LRP1B: variants seen among roughly 807,000 people sequenced by gnomAD.
LRP1B encodes low-density lipoprotein receptor-related protein 1B.
Under a neutral mutation model 556.6 loss-of-function variants are expected in LRP1B, and 217 were observed. That is an observed-to-expected ratio of 0.39 (90% CI 0.35 to 0.44). LRP1B has a LOEUF of 0.44. Ranked by LOEUF, LRP1B falls within the 20% of genes least tolerant of loss-of-function variation. The pLI, the probability that LRP1B is intolerant of heterozygous loss-of-function variation, is 1.00. For synonymous variants in LRP1B, 2,047 were observed against 1,865.8 expected (o/e 1.10, Z -2.50); for missense variants, 5,053 against 5,620.8 (o/e 0.90, Z 3.23).
chr2:141,426,599 T>G (rs1680373045), intron 3 of LRP1B, among the ~76,000 whole-genome samples: 1 of 152,108 alleles, frequency 6.6e-6, no homozygotes, highest in African/African-American at 2.4e-5. Context: ...TTAGAAATAA[T>G]AAACTGAGGC....
Position 141,834,191 on chromosome 2 carries a change from G to T in LRP1B, c.83-23790C>A, listed in dbSNP as rs538531037. On this transcript the variant is annotated intron_variant, in intron 1 of 90. Coordinates refer to ENST00000389484, the MANE Select transcript of LRP1B (RefSeq NM_018557.3). Reference sequence around the variant, plus strand: ...GACTTTATTTCACCAGTTGAAGGAAGACACTGAATATTTTAAAATGGGTTT... The same window carrying T: ...GACTTTATTTCACCAGTTGAAGGAATACACTGAATATTTTAAAATGGGTTT... Among the ~76,000 whole-genome samples, 9 of 151,970 alleles carry T rather than the reference G, an allele frequency of 5.9e-5. 1 individual carries two copies. The South Asian group carries it at 1.9e-3, about 31-fold the overall frequency.
At chr2:141,294,972 C>A (rs894058551) in intron 3 of LRP1B, among the ~76,000 whole-genome samples, 7 of 151,856 alleles carry the variant, frequency 4.6e-5, no homozygotes, top group Non-Finnish European at 2.9e-5. Context: ...TAAGTGATTT[C>A]CACACTTTTC....
Position 141,049,312 on chromosome 2 carries a change from C to T in LRP1B, c.1553-90G>A, listed in dbSNP as rs1457410028. ...GCCACCGTTTAACTGGCACAATTAG[C>T]GTTTTTTAAATTCAATGCTAAAAAT... is the stretch of plus-strand genomic sequence containing the variant. On this transcript the variant is annotated intron_variant, in intron 10 of 90. Transcript: ENST00000389484. 29 of 830,692 alleles carry T rather than the reference C, an allele frequency of 3.5e-5. No individual in the cohort carries two copies. The South Asian group carries it at 4.0e-4, about 12-fold the overall frequency. The allele number at this position is 830,692 out of a possible 1,614,324, so 51.5% of individuals were successfully genotyped here. A position where few individuals can be genotyped will look rare whatever the true frequency, so the allele number is the denominator to read the frequency against.
chr2:141,475,796 C>T (rs1682682288), intron 3 of LRP1B, among the ~76,000 whole-genome samples: 1 of 152,062 alleles, frequency 6.6e-6, no homozygotes, highest in Non-Finnish European at 1.5e-5. Context: ...GCAGGACAGC[C>T]GAACTCCAAG....
At chr2:140,873,319 A>G (rs1015092707) in intron 25 of LRP1B, among the ~76,000 whole-genome samples, 2 of 152,116 alleles carry the variant, frequency 1.3e-5, no homozygotes, top group Non-Finnish European at 2.9e-5. Flanking sequence ...TTTAATAAAA[A>G]CAGCTGCATC....
intron 66 of LRP1B, among the ~76,000 whole-genome samples, chr2:140,432,038 T>A (rs1685968112): frequency 6.6e-6 from 1 of 152,208 alleles, no homozygotes; most frequent in East Asian, 1.9e-4. Flanking sequence ...CCCTGTGACC[T>A]GCACTTACAC....
In LRP1B at chr2:140,356,342, C is replaced by T. The variant is rs2105129740; in HGVS notation, c.11530G>A (p.Asp3844Asn). 1 of 1,610,364 alleles carries T rather than the reference C, an allele frequency of 6.2e-7. No individual in the cohort carries two copies. Among genetic ancestry groups the T allele is most frequent in the Non-Finnish European group, 8.5e-7 (1 of 1,177,562 alleles). Residue 3844 changes from aspartate (D) to asparagine (N), a missense_variant and splice_region_variant, in exon 75 of 91, where the codon GAC (aspartate) becomes AAC (asparagine). Coordinates refer to ENST00000389484, the MANE Select transcript of LRP1B (RefSeq NM_018557.3). ...AAACTGTTGAAGAAAAGTACTCTACCTTCACATTGTCTGTTTTTCATGTTT... is the reference window on the plus strand; with the variant it reads ...AAACTGTTGAAGAAAAGTACTCTACTTTCACATTGTCTGTTTTTCATGTTT... ...QRNMKNRQCE[D>N]LNECLVFGTC...
At position 140,457,619 on chromosome 2, in the gene LRP1B, G is replaced by T. The variant is rs1475959085; in HGVS notation, c.9658C>A (p.Leu3220Ile). The change falls in exon 61 of 91, where the codon CTA becomes ATA. Residue 3220 changes from leucine (L) to isoleucine (I), a missense_variant. Physicochemically the swap from Leu to Ile is conservative, Grantham distance 5. This residue lies in a region of LRP1B where 262 missense variants were observed against 395.1 expected (regional missense o/e 0.66). Coordinates refer to ENST00000389484, the MANE Select transcript of LRP1B (RefSeq NM_018557.3). ...PNQDIPGVIALTLFEDYIYWT... is the reference protein window; with the variant it reads ...PNQDIPGVIAITLFEDYIYWT... ...TAGATGTAGTCTTCAAACAATGTTA[G>T]TGCAATCACCCCTGGAATATCTTGA... The T allele has an allele frequency of 4.3e-6, 7 of 1,613,510 alleles. No homozygotes were observed. Among genetic ancestry groups the T allele is most frequent in the African/African-American group, 4.0e-5 (3 of 74,890 alleles).
chr2:140,408,800 T>C (rs1249623754), intron 66 of LRP1B, among the ~76,000 whole-genome samples: 1 of 151,994 alleles, frequency 6.6e-6, no homozygotes, highest in Admixed American at 6.6e-5. Flanking sequence ...GAGTGTAATT[T>C]ATACTCTGAG....
intron 1 of LRP1B, among the ~76,000 whole-genome samples, chr2:141,878,758 G>C (rs1295276365): frequency 6.6e-6 from 1 of 151,932 alleles, no homozygotes; most frequent in Non-Finnish European, 1.5e-5. Context: ...GTAATGAACA[G>C]TCCAATTACA....
chr2:141,130,332 T>G (rs1701318091), intron 7 of LRP1B, among the ~76,000 whole-genome samples: 2 of 152,086 alleles, frequency 1.3e-5, no homozygotes, highest in Admixed American at 1.3e-4. Flanking sequence ...GAAATGTTGC[T>G]TACCCTCATT....
chr2:140,891,687 G>A (rs1017137827), intron 23 of LRP1B, among the ~76,000 whole-genome samples: 1 of 152,110 alleles, frequency 6.6e-6, no homozygotes, highest in East Asian at 1.9e-4. Context: ...GGGAATGAAT[G>A]ATGGTTAAAT....
chr2:141,435,129 G>A (rs2104991957), intron 3 of LRP1B, among the ~76,000 whole-genome samples: 1 of 152,252 alleles, frequency 6.6e-6, no homozygotes, highest in Middle Eastern at 3.4e-3. Flanking sequence ...GGATGATTGT[G>A]GTTTTATTTT....
chr2:141,951,370 G>T (rs367985183), intron 1 of LRP1B, among the ~76,000 whole-genome samples: 1 of 151,964 alleles, frequency 6.6e-6, no homozygotes, highest in Non-Finnish European at 1.5e-5. Flanking sequence ...CCCAAAGTCC[G>T]CTATATCATT....
intron 41 of LRP1B, among the ~76,000 whole-genome samples, chr2:140,698,630 T>A (rs1307751052): frequency 1.3e-5 from 2 of 152,006 alleles, no homozygotes; most frequent in East Asian, 3.9e-4. Flanking sequence ...CCCGAAGTTG[T>A]GTAATTGGAA....
intron 3 of LRP1B, among the ~76,000 whole-genome samples, chr2:141,349,259 T>G (rs1037193048): frequency 5.9e-5 from 9 of 151,998 alleles, no homozygotes; most frequent in African/African-American, 2.2e-4. Flanking sequence ...TCCTTTAATG[T>G]AACGCAAAAA....
At chr2:141,377,951 C>T (rs1689499359) in intron 3 of LRP1B, among the ~76,000 whole-genome samples, 1 of 152,158 alleles carries the variant, frequency 6.6e-6, no homozygotes, top group Admixed American at 6.5e-5. Flanking sequence ...ACAATCTGTG[C>T]TTTTAATAAA....
chr2:141,072,635 T>C (rs10496866), intron 7 of LRP1B, among the ~76,000 whole-genome samples: 128,685 of 151,880 alleles, frequency 0.85, 54,878 homozygotes, highest in Non-Finnish European at 0.89. Context: ...TTGGACTTCA[T>C]TGAGACTCTG....
At chr2:141,026,544 C>T (rs1698222766) in intron 11 of LRP1B, among the ~76,000 whole-genome samples, 1 of 151,976 alleles carries the variant, frequency 6.6e-6, no homozygotes, top group African/African-American at 2.4e-5. Context: ...TCTCATGTGA[C>T]CATACTCCTG....
Sources: allele counts gnomAD v4.1 joint callset (sites outside exome capture counted in the v4.1 genomes callset), GRCh38; gene constraint gnomAD v4.1.1; regional missense constraint gnomAD v4.1.1; transcripts MANE v1.5; gene names NCBI Gene and HGNC (gene_info 2026-07-23, HGNC 2026-07-21).